The following NELL1 variants were observed in gnomAD, a reference collection of about 807,000 sequenced individuals.
NELL1 encodes protein kinase C-binding protein NELL1.
In NELL1, 76 loss-of-function variants were observed where a neutral mutation model predicts 107.4. The observed-to-expected ratio is 0.71, with a 90% CI of 0.59 to 0.86. The LOEUF is 0.86. Among genes scored for constraint, NELL1 ranks in the 40% least tolerant of loss-of-function variants. NELL1 has a pLI of 0.00. For synonymous variants in NELL1, 353 were observed against 341.2 expected (o/e 1.03, Z -0.38); for missense variants, 1,024 against 1,005.5 (o/e 1.02, Z -0.25).
intron 2 of NELL1, among the ~76,000 whole-genome samples, chr11:20,687,596 ATTT>A (rs34011831): frequency 6.8e-6 from 1 of 146,662 alleles, no homozygotes; most frequent in Non-Finnish European, 1.5e-5. Context: ...ACTAAACTAA[ATTT>A]TTTTTTTTTT....
At chr11:21,305,954 G>A (rs537221443) in intron 14 of NELL1, among the ~76,000 whole-genome samples, 11 of 151,880 alleles carry the variant, frequency 7.2e-5, no homozygotes, top group Admixed American at 3.3e-4. Context: ...GCCCATACTC[G>A]CAGTGAAATT....
chr11:20,815,071 G>GT (rs1201436249), intron 3 of NELL1, among the ~76,000 whole-genome samples: 5 of 151,964 alleles, frequency 3.3e-5, no homozygotes, highest in East Asian at 1.9e-4. Context: ...TTGTTTGTTT[G>GT]TTTTTTTGTT....
At chr11:20,797,114 A>G (rs1439737048) in intron 3 of NELL1, among the ~76,000 whole-genome samples, 2 of 152,174 alleles carry the variant, frequency 1.3e-5, no homozygotes, top group Admixed American at 1.3e-4. Flanking sequence ...TTTGTAAGCA[A>G]TGCGTAATGG....
At chr11:21,166,508 C>A (rs1856487282) in intron 13 of NELL1, among the ~76,000 whole-genome samples, 1 of 151,738 alleles carries the variant, frequency 6.6e-6, no homozygotes, top group Non-Finnish European at 1.5e-5. Flanking sequence ...GATGGATACC[C>A]TATTTACCCT....
chr11:21,514,226 A>G (rs1855504131), intron 15 of NELL1, among the ~76,000 whole-genome samples: 1 of 152,198 alleles, frequency 6.6e-6, no homozygotes, highest in South Asian at 2.1e-4. Flanking sequence ...AACAAATAAC[A>G]ATTTAACATT....
At position 21,374,953 on chromosome 11, in the gene NELL1, A is replaced by G. The variant is rs1404202322; in HGVS notation, c.1645+4005A>G. Among the ~76,000 whole-genome samples the G allele has an allele frequency of 2.7e-5, 4 of 150,742 alleles. No individual in the cohort carries two copies. In the South Asian group the frequency reaches 6.3e-4, roughly 24 times the overall value. On this transcript the variant is annotated intron_variant, in intron 15 of 19. Coordinates refer to ENST00000357134, the MANE Select transcript of NELL1 (RefSeq NM_006157.5). ...TATGGTCTTCTGTGTGTGCACATGCAGGTGTGGACTTGCACATCCAAACAG... is the reference window on the plus strand; with the variant it reads ...TATGGTCTTCTGTGTGTGCACATGCGGGTGTGGACTTGCACATCCAAACAG...
At chr11:20,890,080 C>T (rs1159226002) in intron 5 of NELL1, among the ~76,000 whole-genome samples, 2 of 152,026 alleles carry the variant, frequency 1.3e-5, no homozygotes, top group Admixed American at 1.3e-4. Flanking sequence ...TGTCAAGCAC[C>T]CTATACAGGA....
chr11:21,034,089 C>T (rs2134321231), intron 12 of NELL1, among the ~76,000 whole-genome samples: 1 of 152,222 alleles, frequency 6.6e-6, no homozygotes, highest in East Asian at 1.9e-4. Context: ...TTTGCCCATT[C>T]CTATGTCCAG....
At chr11:21,265,921 T>A (rs1303838954) in intron 14 of NELL1, among the ~76,000 whole-genome samples, 1 of 152,026 alleles carries the variant, frequency 6.6e-6, no homozygotes, top group East Asian at 1.9e-4. Flanking sequence ...ACTTTCCCTA[T>A]TTTTTGGTCA....
At chr11:21,348,378 A>G (rs1540119) in intron 14 of NELL1, among the ~76,000 whole-genome samples, 119,420 of 152,058 alleles carry the variant, frequency 0.79, 46,897 homozygotes, top group African/African-American at 0.8. Flanking sequence ...GCTGAGCTCT[A>G]GGGGAGATAC....
chr11:20,745,144 C>T (rs192725394), intron 2 of NELL1, among the ~76,000 whole-genome samples: 11 of 152,176 alleles, frequency 7.2e-5, no homozygotes, highest in South Asian at 4.1e-4. Context: ...CAATTTTGAA[C>T]GACAGGATGT....
chr11:21,322,088 A>G (rs1850023443), intron 14 of NELL1, among the ~76,000 whole-genome samples: 2 of 152,184 alleles, frequency 1.3e-5, no homozygotes, highest in South Asian at 4.1e-4. Context: ...CCATGGAATG[A>G]TGGATTCTGT....
At chr11:21,181,944 A>G (rs943391569) in intron 13 of NELL1, among the ~76,000 whole-genome samples, 1 of 151,926 alleles carries the variant, frequency 6.6e-6, no homozygotes, top group African/African-American at 2.4e-5. Context: ...TTATTCTAAG[A>G]CTTTACATAT....
intron 2 of NELL1, among the ~76,000 whole-genome samples, chr11:20,724,089 G>A (rs1163838569): frequency 6.7e-6 from 1 of 149,964 alleles, no homozygotes; most frequent in African/African-American, 2.4e-5. Flanking sequence ...GCTGCACAGA[G>A]CAGCTGGGCC....
intron 13 of NELL1, among the ~76,000 whole-genome samples, chr11:21,137,090 C>A (rs1855760198): frequency 6.6e-6 from 1 of 152,184 alleles, no homozygotes; most frequent in African/African-American, 2.4e-5. Flanking sequence ...TGGAGATTTT[C>A]TCTTCCTTCC....
chr11:20,783,239 T>G (rs1856885577), intron 2 of NELL1, among the ~76,000 whole-genome samples: 1 of 152,204 alleles, frequency 6.6e-6, no homozygotes, highest in African/African-American at 2.4e-5. Context: ...CATTTGGGTC[T>G]TATTATCCCA....
intron 14 of NELL1, among the ~76,000 whole-genome samples, chr11:21,248,267 G>A (rs914961898): frequency 2.6e-5 from 4 of 151,684 alleles, no homozygotes; most frequent in African/African-American, 9.7e-5. Context: ...GATTGCTTAA[G>A]CCCAGGATGT....
intron 15 of NELL1, among the ~76,000 whole-genome samples, chr11:21,483,157 C>A (rs1854535103): frequency 6.6e-6 from 1 of 152,068 alleles, no homozygotes; most frequent in Non-Finnish European, 1.5e-5. Context: ...TATAGTATAG[C>A]TGCTCTGTAT....
intron 12 of NELL1, among the ~76,000 whole-genome samples, chr11:21,072,926 C>G (rs1354698402): frequency 1.3e-5 from 2 of 152,152 alleles, no homozygotes; most frequent in African/African-American, 4.8e-5. Flanking sequence ...GTTCTGCTTC[C>G]TGCTCGAACA....
Sources: allele counts gnomAD v4.1 joint callset (sites outside exome capture counted in the v4.1 genomes callset), GRCh38; gene constraint gnomAD v4.1.1; transcripts MANE v1.5; gene names NCBI Gene and HGNC (gene_info 2026-07-23, HGNC 2026-07-21).